Variants in AR observed in about 807,000 individuals in gnomAD.
AR encodes the protein dihydrotestosterone receptor.
Under a neutral mutation model 53.9 loss-of-function variants are expected in AR, and 8 were observed. That is an observed-to-expected ratio of 0.15 (90% CI 0.09 to 0.27). The LOEUF is 0.27. AR is among the 10% of genes least tolerant of loss of function. The pLI, the probability that AR is intolerant of heterozygous loss-of-function variation, is 1.00. For missense variants in AR, 639 were observed against 742.5 expected (o/e 0.86, Z 1.62); for synonymous variants, 359 against 316.4 (o/e 1.13, Z -1.43).
intron 2 of AR, among the ~76,000 whole-genome samples, chrX:67,643,823 G>A: frequency 8.9e-6 from 1 of 111,903 alleles, no homozygotes; most frequent in Non-Finnish European, 1.9e-5. Context: ...ATATGAGACT[G>A]TTCCTTAGCA....
At chrX:67,654,130 G>C (rs1399907126) in intron 2 of AR, among the ~76,000 whole-genome samples, 1 of 110,701 alleles carries the variant, frequency 9.0e-6, no homozygotes, top group African/African-American at 3.3e-5. Flanking sequence ...ATGTGATCTC[G>C]AGCAAATCAC....
chrX:67,626,293 G>A (rs1047106591), intron 1 of AR, among the ~76,000 whole-genome samples: 15 of 109,739 alleles, frequency 1.4e-4, no homozygotes, highest in African/African-American at 4.3e-4. Context: ...AGCTCATGGA[G>A]ATAGACAGAA....
chrX:67,675,824 C>A (rs2075896602), intron 2 of AR, among the ~76,000 whole-genome samples: 1 of 111,441 alleles, frequency 9.0e-6, no homozygotes, highest in Non-Finnish European at 1.9e-5. Context: ...TTTGTGCCTG[C>A]AAGCGGGGAT....
chrX:67,544,622 C>T lies in AR; in HGVS notation c.-525C>T, dbSNP rs927586294. 6.5e-4 allele frequency: 110 copies of T among 168,333 alleles called. No individual in the cohort carries two copies. The highest frequency in any genetic ancestry group is 3.3e-3 in the African/African-American group (107 of 32,318). 13.9% of individuals were successfully genotyped at this position (168,333 alleles called of 1,213,427 possible). On this transcript the variant is annotated 5_prime_UTR_variant, in exon 1 of 8. The change creates a new upstream start codon in the 5' untranslated region. Transcript: ENST00000374690. ...CCACGACCCGCCTGGTTAGGCTGCA[C>T]GCGGAGAGAACCCTCTGTTTTCCCC... is the stretch of plus-strand genomic sequence containing the variant.
chrX:67,702,697 G>A (rs150501623), intron 3 of AR, among the ~76,000 whole-genome samples: 135 of 112,109 alleles, frequency 1.2e-3, no homozygotes, highest in Non-Finnish European at 2.0e-3. Context: ...CTAGTTGTTG[G>A]TCCAAACATG....
chrX:67,546,276 C>G lies in AR; in HGVS notation c.1130C>G (p.Pro377Arg). Residue 377 changes from proline (P) to arginine (R), a missense_variant, in exon 1 of 8, where the codon CCT (proline) becomes CGT (arginine). Pro to Arg is a moderately radical substitution (Grantham distance 103). This residue lies in a region of AR where 423 missense variants were observed against 377.0 expected (regional missense o/e 1.12). Transcript: ENST00000374690. Reference protein sequence around the residue: ...FPLALAGPPPPPPPPHPHARI... With the variant: ...FPLALAGPPPRPPPPHPHARI... ...CTGGCTCTGGCCGGACCGCCGCCCCCTCCGCCGCCTCCCCATCCCCACGCT... is the reference window on the plus strand; with the variant it reads ...CTGGCTCTGGCCGGACCGCCGCCCCGTCCGCCGCCTCCCCATCCCCACGCT... 8.3e-7 allele frequency: 1 copy of G among 1,204,699 alleles called. No homozygotes were observed. Among genetic ancestry groups the G allele is most frequent in the Non-Finnish European group, 1.1e-6 (1 of 892,330 alleles).
intron 3 of AR, chrX:67,694,749 A>G: frequency 1.7e-6 from 2 of 1,154,439 alleles, no homozygotes; most frequent in Non-Finnish European, 2.3e-6. Context: ...CTCATTCAAA[A>G]TGAGGGCTCT....
At chrX:67,663,686 G>T (rs1268007832) in intron 2 of AR, among the ~76,000 whole-genome samples, 1 of 111,937 alleles carries the variant, frequency 8.9e-6, no homozygotes, top group Non-Finnish European at 1.9e-5. Context: ...TGCTAGATTG[G>T]GGAAGTTGTC....
In AR at chrX:67,729,277, G is replaced by T. The variant is rs1353285649; in HGVS notation, c.*5436G>T. The T allele has an allele frequency of 1.7e-5, 3 of 174,214 alleles. No homozygotes were observed. The highest frequency in any genetic ancestry group is 3.3e-5 in the Non-Finnish European group (3 of 91,330). The allele number at this position is 174,214 out of a possible 1,213,427, so 14.4% of individuals were successfully genotyped here. A position where few individuals can be genotyped will look rare whatever the true frequency, so the allele number is the denominator to read the frequency against. Reference sequence around the variant, plus strand: ...AGGTCCATTTCTGCCCACAGGTAGGGTGTTTTTCTTTGATTAAGAGATTGA... The same window carrying T: ...AGGTCCATTTCTGCCCACAGGTAGGTTGTTTTTCTTTGATTAAGAGATTGA... On this transcript the variant is annotated 3_prime_UTR_variant, in exon 8 of 8. Transcript: ENST00000374690.
intron 1 of AR, among the ~76,000 whole-genome samples, chrX:67,626,984 T>A (rs1924699364): frequency 9.4e-6 from 1 of 105,972 alleles, no homozygotes; most frequent in African/African-American, 3.5e-5. Context: ...GGCTGCATAG[T>A]ATTCCATGGT....
intron 2 of AR, among the ~76,000 whole-genome samples, chrX:67,660,760 G>T (rs1293117395): frequency 9.0e-6 from 1 of 111,648 alleles, no homozygotes; most frequent in African/African-American, 3.3e-5. Context: ...GAAAGTCATG[G>T]GTAGCTTGAT....
At chrX:67,579,356 G>T (rs1277638180) in intron 1 of AR, among the ~76,000 whole-genome samples, 1 of 111,442 alleles carries the variant, frequency 9.0e-6, no homozygotes, top group Admixed American at 9.6e-5. Context: ...GACTGCAGAA[G>T]ATTGGGTGGG....
At chrX:67,600,151 A>C (rs1026429033) in intron 1 of AR, among the ~76,000 whole-genome samples, 4 of 111,674 alleles carry the variant, frequency 3.6e-5, no homozygotes, top group Non-Finnish European at 1.9e-5. Flanking sequence ...CCACCTGGAG[A>C]GGGACATGGA....
At chrX:67,607,391 T>A (rs1471567011) in intron 1 of AR, among the ~76,000 whole-genome samples, 1 of 112,100 alleles carries the variant, frequency 8.9e-6, no homozygotes, top group African/African-American at 3.2e-5. Context: ...GCCCTGCTGC[T>A]ACTACATAAG....
intron 2 of AR, among the ~76,000 whole-genome samples, chrX:67,661,884 A>G (rs182410556): frequency 3.2e-4 from 36 of 111,668 alleles, no homozygotes; most frequent in Admixed American, 3.0e-3. Context: ...TTATTGGTCT[A>G]TTCAGAGATT....
intron 1 of AR, among the ~76,000 whole-genome samples, chrX:67,638,826 T>C (rs943936537): frequency 4.5e-5 from 5 of 112,144 alleles, no homozygotes; most frequent in Non-Finnish European, 9.4e-5. Context: ...AGCTCTTGAG[T>C]TTAATTAGAT....
intron 5 of AR, among the ~76,000 whole-genome samples, chrX:67,718,709 G>C (rs12009160): frequency 0.15 from 16,794 of 110,148 alleles, 1,657 homozygotes; most frequent in African/African-American, 0.36. Flanking sequence ...TCTCAGCCCA[G>C]TGCAACCTCC....
Position 67,643,264 on chromosome X carries a change from C to T in AR, c.1625C>T (p.Thr542Ile), listed in dbSNP as rs1471576123. 1.7e-6 allele frequency: 2 copies of T among 1,209,868 alleles called. No homozygotes were observed. Among genetic ancestry groups the T allele is most frequent in the African/African-American group, 3.5e-5 (2 of 57,231 alleles). Residue 542 changes from threonine (T) to isoleucine (I), a missense_variant, in exon 2 of 8, where the codon ACT (threonine) becomes ATT (isoleucine). By Grantham distance (89) the Thr-to-Ile change is moderately conservative. Around this residue, in one of 5 missense-constraint regions of AR, gnomAD observed 423 missense variants for 377.0 expected, o/e 1.12. Coordinates refer to ENST00000374690, the MANE Select transcript of AR (RefSeq NM_000044.6). The part of the protein sequence containing the change: ...SGPYGDMRLE[T>I]ARDHVLPIDY... ...TTTTTGTGTCTTTCCAGTTTGGAGA[C>T]TGCCAGGGACCATGTTTTGCCCATT...
chrX:67,600,356 G>A (rs945887810), intron 1 of AR, among the ~76,000 whole-genome samples: 19 of 110,884 alleles, frequency 1.7e-4, no homozygotes, highest in African/African-American at 5.6e-4. Flanking sequence ...AGTACTATTC[G>A]TCATAAAAAA....
Sources: allele counts gnomAD v4.1 joint callset (sites outside exome capture counted in the v4.1 genomes callset), GRCh38; gene constraint gnomAD v4.1.1; regional missense constraint gnomAD v4.1.1; transcripts MANE v1.5; gene names NCBI Gene and HGNC (gene_info 2026-07-23, HGNC 2026-07-21).